Variants in DPYSL2 observed in about 807,000 individuals in gnomAD.
DPYSL2 encodes the protein dihydropyrimidinase like 2, also known as dihydropyrimidinase-related protein 2.
In DPYSL2, 13 loss-of-function variants were observed where a neutral mutation model predicts 69.9. That is an observed-to-expected ratio of 0.19 (90% CI 0.12 to 0.30). The LOEUF (loss-of-function observed/expected upper bound fraction) is 0.30. DPYSL2 is among the 10% of genes least tolerant of loss of function. The pLI is 1.00. For missense variants in DPYSL2, 587 were observed against 918.9 expected, an observed-to-expected ratio of 0.64 and a Z score of 4.67; for synonymous variants, 326 against 359.1, an observed-to-expected ratio of 0.91 and a Z score of 1.04.
At position 26,614,458 on chromosome 8, in the gene DPYSL2, C is replaced by T. The variant is rs1215860982; in HGVS notation, c.629-9685C>T. 6.6e-5 allele frequency among the ~76,000 whole-genome samples: 10 copies of T among 152,154 alleles called. No individual in the cohort carries two copies. The highest frequency in any genetic ancestry group is 1.0e-4 in the Non-Finnish European group (7 of 68,028). ...AGGATCATTTTATCCGTATCCCTTT[C>T]GTATCTTTTAGTGAGTTTTTGTTTT... On this transcript the variant is annotated intron_variant, in intron 3 of 13. Transcript: ENST00000521913. The surrounding 1 kb of genome is among the most constrained non-coding windows in gnomAD (Gnocchi z 4.9).
At chr8:26,569,047 A>T (rs1801195530) in intron 1 of DPYSL2, among the ~76,000 whole-genome samples, 1 of 152,172 alleles carries the variant, frequency 6.6e-6, no homozygotes, top group Non-Finnish European at 1.5e-5. Flanking sequence ...AATCCTCACC[A>T]TCTGGTCTTT....
In DPYSL2 at chr8:26,564,310, TAACCATGTAGG is replaced by T. The variant is rs1801116422; in HGVS notation, c.355-17655_355-17645del. On this transcript the variant is annotated intron_variant, in intron 1 of 13. Coordinates refer to ENST00000521913, the MANE Select transcript of DPYSL2 (RefSeq NM_001197293.3). This position sits in a 1 kb window ranked among gnomAD's most constrained non-coding sequence, Gnocchi z 4.8. Reference sequence around the variant, plus strand: ...GTGTACGCTACCCATTCCTGAAGCTTAACCATGTAGGAACAGCAAGGCAGGGCAATCGTGGT... The same window carrying T: ...GTGTACGCTACCCATTCCTGAAGCTTAACAGCAAGGCAGGGCAATCGTGGT... 6.6e-6 allele frequency among the ~76,000 whole-genome samples: 1 copy of T among 152,024 alleles called. No homozygotes were observed. Among genetic ancestry groups the T allele is most frequent in the Non-Finnish European group, 1.5e-5 (1 of 68,016 alleles).
chr8:26,539,925 A>G (rs1454039958), intron 1 of DPYSL2, among the ~76,000 whole-genome samples: 1 of 152,248 alleles, frequency 6.6e-6, no homozygotes, highest in Non-Finnish European at 1.5e-5. Flanking sequence ...CATAGACACC[A>G]ACACCAACAT....
chr8:26,575,805 A>G (rs755311318), intron 1 of DPYSL2, among the ~76,000 whole-genome samples: 3 of 152,254 alleles, frequency 2.0e-5, no homozygotes, highest in Non-Finnish European at 2.9e-5. Flanking sequence ...ATTATAGGTT[A>G]CTTTGTTTTA....
At chr8:26,515,196 G>T (rs929651538) in intron 1 of DPYSL2, among the ~76,000 whole-genome samples, 1 of 152,318 alleles carries the variant, frequency 6.6e-6, no homozygotes, top group East Asian at 1.9e-4. Flanking sequence ...CGAGCTCCGA[G>T]GCCAGGACCA....
At chr8:26,526,198 G>T (rs1307254394) in intron 1 of DPYSL2, among the ~76,000 whole-genome samples, 1 of 152,106 alleles carries the variant, frequency 6.6e-6, no homozygotes. Flanking sequence ...GGGTTCAAGC[G>T]ATTCTCCTGC....
intron 1 of DPYSL2, among the ~76,000 whole-genome samples, chr8:26,535,473 G>A (rs1367989407): frequency 6.6e-6 from 1 of 152,092 alleles, no homozygotes; most frequent in African/African-American, 2.4e-5. Flanking sequence ...TTTCCATAGA[G>A]GTCATACTCT....
intron 1 of DPYSL2, among the ~76,000 whole-genome samples, chr8:26,551,351 G>A (rs757699901): frequency 2.0e-5 from 3 of 152,146 alleles, no homozygotes; most frequent in Non-Finnish European, 2.9e-5. Context: ...GGGGCACAAC[G>A]TAATGATAAA....
Position 26,656,357 on chromosome 8 carries a change from G to A in DPYSL2, c.*651G>A, listed in dbSNP as rs2130009776. On this transcript the variant is annotated 3_prime_UTR_variant, in exon 14 of 14. Transcript: ENST00000521913. ...TGCCCACCCGCATCGCCATTCTGTA[G>A]TCTTCAGGGTCAGCTGTTGATAAAG... 1 of 152,632 alleles carries A rather than the reference G, an allele frequency of 6.6e-6. No individual in the cohort carries two copies. The highest frequency in any genetic ancestry group is 2.1e-4 in the South Asian group (1 of 4,820). 9.5% of individuals were successfully genotyped at this position (152,632 alleles called of 1,614,324 possible).
intron 1 of DPYSL2, among the ~76,000 whole-genome samples, chr8:26,532,915 TCC>T (rs1392775677): frequency 6.6e-6 from 1 of 152,230 alleles, no homozygotes; most frequent in Admixed American, 6.5e-5. Flanking sequence ...TTATTTGGTA[TCC>T]CTAATTTTTT....
chr8:26,577,724 C>G (rs1200446410), intron 1 of DPYSL2: 1 of 837,722 alleles, frequency 1.2e-6, no homozygotes, highest in Non-Finnish European at 1.4e-6. Context: ...GCGAAAGGCG[C>G]GCTCCCAGCG....
chr8:26,584,961 G>C (rs1164784802), intron 3 of DPYSL2, among the ~76,000 whole-genome samples: 1 of 152,112 alleles, frequency 6.6e-6, no homozygotes, highest in Non-Finnish European at 1.5e-5. Context: ...TGTATTCACA[G>C]CACTGTGACA....
intron 3 of DPYSL2, among the ~76,000 whole-genome samples, chr8:26,622,098 C>CT (rs1461947089): frequency 3.3e-5 from 1 of 29,858 alleles, no homozygotes; most frequent in Non-Finnish European, 8.9e-5. Context: ...TCTTTCCTTC[C>CT]TTCCTTCCTT....
At position 26,588,008 on chromosome 8, in the gene DPYSL2, C is replaced by CCT. The variant is rs1801642709; in HGVS notation, c.628+4026_628+4027insTC. Among the ~76,000 whole-genome samples the CCT allele has an allele frequency of 6.6e-6, 1 of 152,212 alleles. No individual in the cohort carries two copies. The highest frequency in any genetic ancestry group is 1.5e-5 in the Non-Finnish European group (1 of 68,044). On this transcript the variant is annotated intron_variant, in intron 3 of 13. Transcript: ENST00000521913. This position sits in a 1 kb window ranked among gnomAD's most constrained non-coding sequence, Gnocchi z 5.4. ...TCTGGCCTCACCGCTTGCCCTGGGG[C>CCT]CACCTTTGCTCTCAGCCTCAGTGGC...
chr8:26,537,180 T>C (rs1287632933), intron 1 of DPYSL2, among the ~76,000 whole-genome samples: 2 of 152,150 alleles, frequency 1.3e-5, no homozygotes, highest in African/African-American at 2.4e-5. Flanking sequence ...GGTAATATTA[T>C]TACTGCCATT....
intron 1 of DPYSL2, among the ~76,000 whole-genome samples, chr8:26,558,257 G>T (rs927674015): frequency 8.5e-5 from 13 of 152,066 alleles, no homozygotes; most frequent in Admixed American, 1.3e-4. Context: ...ATATTACTAG[G>T]TGATAAAAAG....
chr8:26,628,803 C>T (rs1802674533), intron 7 of DPYSL2, among the ~76,000 whole-genome samples: 1 of 152,086 alleles, frequency 6.6e-6, no homozygotes, highest in Admixed American at 6.5e-5. Context: ...CTCCAGAAGC[C>T]TGGGAGGGAG....
At position 26,560,716 on chromosome 8, in the gene DPYSL2, T is replaced by C. The variant is rs1239638347; in HGVS notation, c.355-21253T>C. 6.6e-6 allele frequency among the ~76,000 whole-genome samples: 1 copy of C among 152,236 alleles called. No homozygotes were observed. The highest frequency in any genetic ancestry group is 1.5e-5 in the Non-Finnish European group (1 of 68,044). On this transcript the variant is annotated intron_variant, in intron 1 of 13. Coordinates refer to ENST00000521913, the MANE Select transcript of DPYSL2 (RefSeq NM_001197293.3). This position sits in a 1 kb window ranked among gnomAD's most constrained non-coding sequence, Gnocchi z 4.4. ...TGGGCAGAGGGAGATATCCTACTGG[T>C]ATTTTCCAATCACTAACATCCTCTG...
At position 26,655,837 on chromosome 8, in the gene DPYSL2, G is replaced by C; in HGVS notation, c.*131G>C. 1 of 898,710 alleles carries C rather than the reference G, an allele frequency of 1.1e-6. No individual in the cohort carries two copies. The highest frequency in any genetic ancestry group is 1.6e-6 in the Non-Finnish European group (1 of 639,180). 55.7% of individuals were successfully genotyped at this position (898,710 alleles called of 1,614,324 possible). On this transcript the variant is annotated 3_prime_UTR_variant, in exon 14 of 14. Coordinates refer to ENST00000521913, the MANE Select transcript of DPYSL2 (RefSeq NM_001197293.3). ...AGCCTGTGATAGTTACTGTGGAGCA[G>C]CCAGTTCATGGGGTCCCCCTTGGGG...
Sources: allele counts gnomAD v4.1 joint callset (sites outside exome capture counted in the v4.1 genomes callset), GRCh38; gene constraint gnomAD v4.1.1; non-coding constraint Gnocchi (gnomAD v3.1); transcripts MANE v1.5; gene names NCBI Gene and HGNC (gene_info 2026-07-23, HGNC 2026-07-21).